The following LSAMP variants were observed in gnomAD, a reference collection of about 807,000 sequenced individuals.
LSAMP encodes the protein limbic system associated membrane protein.
Under a neutral mutation model 38.6 loss-of-function variants are expected in LSAMP, and 7 were observed. The ratio of observed to expected loss-of-function variants is 0.18; its 90% CI spans 0.10 to 0.34. The LOEUF is 0.34. Among genes scored for constraint, LSAMP ranks in the 10% least tolerant of loss-of-function variants. LSAMP has a pLI of 1.00. For missense variants in LSAMP, 313 were observed against 420.0 expected, an observed-to-expected ratio of 0.75 and a Z score of 2.23; for synonymous variants, 154 against 166.8, an observed-to-expected ratio of 0.92 and a Z score of 0.59.
chr3:116,407,808 G>C (rs1341056327), intron 1 of LSAMP, among the ~76,000 whole-genome samples: 1 of 151,984 alleles, frequency 6.6e-6, no homozygotes, highest in Non-Finnish European at 1.5e-5. Context: ...GCCACTGACG[G>C]TATTTATTCT....
At chr3:115,851,332 T>C (rs1935324637) in intron 4 of LSAMP, among the ~76,000 whole-genome samples, 1 of 152,190 alleles carries the variant, frequency 6.6e-6, no homozygotes, top group East Asian at 1.9e-4. Flanking sequence ...GCAAAGTCCT[T>C]ATCTTCCTCC....
At chr3:115,828,034 CT>C (rs1576118370) in intron 6 of LSAMP, among the ~76,000 whole-genome samples, 1 of 152,282 alleles carries the variant, frequency 6.6e-6, no homozygotes, top group East Asian at 1.9e-4. Context: ...TGTATCTTGC[CT>C]CTTCAGAAGT....
At chr3:116,323,230 C>T (rs1013590264) in intron 1 of LSAMP, among the ~76,000 whole-genome samples, 1 of 152,096 alleles carries the variant, frequency 6.6e-6, no homozygotes, top group African/African-American at 2.4e-5. Context: ...AAATATCCAT[C>T]CCTGAATATC....
chr3:116,356,918 C>A (rs1307213255), intron 1 of LSAMP, among the ~76,000 whole-genome samples: 1 of 152,202 alleles, frequency 6.6e-6, no homozygotes, highest in African/African-American at 2.4e-5. Context: ...CTCAGCCTCC[C>A]GAGTAGCTGG....
At chr3:116,309,162 C>T (rs531134949) in intron 1 of LSAMP, among the ~76,000 whole-genome samples, 1 of 152,142 alleles carries the variant, frequency 6.6e-6, no homozygotes, top group African/African-American at 2.4e-5. Flanking sequence ...TATAAAGCAT[C>T]AATTAGCAAT....
intron 1 of LSAMP, among the ~76,000 whole-genome samples, chr3:116,095,450 T>G (rs1388348955): frequency 6.6e-6 from 1 of 152,216 alleles, no homozygotes; most frequent in Non-Finnish European, 1.5e-5. Context: ...CAGATGCATA[T>G]CCATGCAGAT....
chr3:116,169,997 T>A (rs1041292401), intron 1 of LSAMP, among the ~76,000 whole-genome samples: 4 of 152,210 alleles, frequency 2.6e-5, no homozygotes, highest in African/African-American at 9.6e-5. Context: ...AAACCTCACC[T>A]ATGATAAATC....
chr3:115,914,275 T>A (rs1937198637), intron 3 of LSAMP, among the ~76,000 whole-genome samples: 1 of 152,192 alleles, frequency 6.6e-6, no homozygotes, highest in Non-Finnish European at 1.5e-5. Flanking sequence ...AGCAAGAATC[T>A]TGCTAAGCCA....
In LSAMP at chr3:115,810,291, T is replaced by A. The variant is rs189223018; in HGVS notation, c.*26A>T. 2.1e-4 allele frequency: 306 copies of A among 1,486,494 alleles called. No individual in the cohort carries two copies. Among genetic ancestry groups the A allele is most frequent in the East Asian group, 8.4e-4 (34 of 40,588 alleles). The allele number at this position is 1,486,494 out of a possible 1,614,324, so 92.1% of individuals were successfully genotyped here. A position where few individuals can be genotyped will look rare whatever the true frequency, so the allele number is the denominator to read the frequency against. The stretch of plus-strand genomic sequence containing the variant: ...GTGTGACGCATTTTTGTGTGTTTTT[T>A]AAATTATTTTTAAATTTTTATTCTA... On this transcript the variant is annotated 3_prime_UTR_variant, in exon 7 of 7. Transcript: ENST00000490035.
At chr3:116,400,403 T>C (rs865882242) in intron 1 of LSAMP, among the ~76,000 whole-genome samples, 1 of 150,836 alleles carries the variant, frequency 6.6e-6, no homozygotes, top group Admixed American at 6.6e-5. Context: ...TCTCTCTCTC[T>C]CTCCTTCTTT....
intron 3 of LSAMP, among the ~76,000 whole-genome samples, chr3:115,931,960 G>A (rs551186550): frequency 2.4e-4 from 36 of 152,264 alleles, no homozygotes; most frequent in Non-Finnish European, 4.9e-4. Flanking sequence ...GCATTGAGCT[G>A]GGCGATGTGG....
At chr3:116,284,316 T>TA (rs939107305) in intron 1 of LSAMP, among the ~76,000 whole-genome samples, 10 of 152,200 alleles carry the variant, frequency 6.6e-5, no homozygotes, top group Non-Finnish European at 1.5e-4. Flanking sequence ...ATAATGTTTT[T>TA]AAAAATATAT....
intron 1 of LSAMP, among the ~76,000 whole-genome samples, chr3:116,396,889 C>T (rs141117580): frequency 2.0e-5 from 3 of 152,326 alleles, no homozygotes; most frequent in East Asian, 1.9e-4. Flanking sequence ...TTCTGTCATA[C>T]TTCACATCCC....
intron 1 of LSAMP, among the ~76,000 whole-genome samples, chr3:116,352,623 C>T (rs1035303226): frequency 2.0e-5 from 3 of 152,112 alleles, no homozygotes; most frequent in Non-Finnish European, 2.9e-5. Context: ...CCTAGTCTCT[C>T]CAGAGAATGT....
chr3:116,045,618 G>A (rs1222611297), intron 2 of LSAMP, among the ~76,000 whole-genome samples: 2 of 150,422 alleles, frequency 1.3e-5, no homozygotes, highest in African/African-American at 4.9e-5. Context: ...TTGCAAAGCA[G>A]TGAGAAACAA....
At chr3:116,237,448 G>T (rs2046479875) in intron 1 of LSAMP, among the ~76,000 whole-genome samples, 1 of 152,154 alleles carries the variant, frequency 6.6e-6, no homozygotes, top group Admixed American at 6.5e-5. Context: ...GACAAAAAAT[G>T]AGCATGAAGC....
intron 1 of LSAMP, among the ~76,000 whole-genome samples, chr3:116,421,668 A>G (rs2049129316): frequency 6.6e-6 from 1 of 152,234 alleles, no homozygotes; most frequent in Non-Finnish European, 1.5e-5. Flanking sequence ...AATGGCTGAT[A>G]AGTACAAGAA....
intron 1 of LSAMP, among the ~76,000 whole-genome samples, chr3:116,427,169 G>A (rs1576216846): frequency 7.2e-6 from 1 of 138,432 alleles, no homozygotes; most frequent in East Asian, 2.2e-4. Context: ...GCCGGACTGC[G>A]GACTGCAGTG....
At position 115,809,761 on chromosome 3, in the gene LSAMP, C is replaced by G. The variant is rs1933753565; in HGVS notation, c.*556G>C. 6.6e-6 allele frequency: 1 copy of G among 152,510 alleles called. No individual in the cohort carries two copies. Among genetic ancestry groups the G allele is most frequent in the African/African-American group, 2.4e-5 (1 of 41,320 alleles). The allele number at this position is 152,510 out of a possible 1,614,324, so 9.4% of individuals were successfully genotyped here. A position where few individuals can be genotyped will look rare whatever the true frequency, so the allele number is the denominator to read the frequency against. ...GCACTGGAGGGAGAGGGGATGATCTCTAAAGTTGGAGAGATAGTGGAGGAA... is the reference window on the plus strand; with the variant it reads ...GCACTGGAGGGAGAGGGGATGATCTGTAAAGTTGGAGAGATAGTGGAGGAA... On this transcript the variant is annotated 3_prime_UTR_variant, in exon 7 of 7. Transcript: ENST00000490035.
Sources: allele counts gnomAD v4.1 joint callset (sites outside exome capture counted in the v4.1 genomes callset), GRCh38; gene constraint gnomAD v4.1.1; transcripts MANE v1.5; gene names NCBI Gene and HGNC (gene_info 2026-07-23, HGNC 2026-07-21).